The following MAPK10 variants were observed in gnomAD, a reference collection of about 807,000 sequenced individuals.
MAPK10 encodes mitogen-activated protein kinase 10.
A neutral mutation model predicts 59.3 loss-of-function variants in MAPK10; 25 were observed. The ratio of observed to expected loss-of-function variants is 0.42; its 90% CI spans 0.31 to 0.59. MAPK10 has a LOEUF of 0.59. MAPK10 is among the 20% of genes least tolerant of loss of function. MAPK10 has a pLI of 0.15. For synonymous variants in MAPK10, 190 were observed against 200.5 expected (o/e 0.95, Z 0.44); for missense variants, 351 against 568.9 (o/e 0.62, Z 3.90).
At chr4:86,152,737 A>G (rs2066785764) in intron 4 of MAPK10, 1 of 152,114 alleles carries the variant, frequency 6.6e-6, no homozygotes, top group Non-Finnish European at 1.5e-5. Flanking sequence ...AAGCCTTGGT[A>G]TTTTTCGTTA....
chr4:86,092,735 A>C (rs1451155026), intron 9 of MAPK10, among the ~76,000 whole-genome samples: 2 of 152,116 alleles, frequency 1.3e-5, no homozygotes, highest in Admixed American at 6.6e-5. Context: ...AGCAAATTCA[A>C]TCACTGTTGG....
chr4:86,214,713 G>A (rs116638270), intron 2 of MAPK10, among the ~76,000 whole-genome samples: 1,881 of 151,790 alleles, frequency 0.012, 20 homozygotes, highest in Non-Finnish European at 0.017. Context: ...AACCAAGAAG[G>A]AAAAACACTT....
intron 9 of MAPK10, among the ~76,000 whole-genome samples, chr4:86,097,823 G>A (rs2054532687): frequency 6.6e-6 from 1 of 152,094 alleles, no homozygotes; most frequent in African/African-American, 2.4e-5. Context: ...ATTTCTGATG[G>A]ACTCTATTGC....
chr4:86,101,840 G>A, intron 7 of MAPK10, 54 bp downstream of exon 7: 1 of 1,584,168 alleles, frequency 6.3e-7, no homozygotes, highest in Non-Finnish European at 8.7e-7. Flanking sequence ...ATAATCTACA[G>A]TTACTCTTCC....
intron 11 of MAPK10, chr4:86,041,094 G>A (rs983211231): frequency 6.6e-6 from 1 of 152,024 alleles, no homozygotes; most frequent in African/African-American, 2.4e-5. Context: ...CTGTAATGGT[G>A]GTATGTAATT....
At chr4:86,080,423 A>C (rs1179416177) in intron 9 of MAPK10, 1 of 152,002 alleles carries the variant, frequency 6.6e-6, no homozygotes, top group African/African-American at 2.4e-5. Context: ...CAAGTAGAAT[A>C]ATATCTTTAA....
intron 2 of MAPK10, among the ~76,000 whole-genome samples, chr4:86,273,752 T>C (rs2094497209): frequency 6.6e-6 from 1 of 152,026 alleles, no homozygotes; most frequent in Admixed American, 6.6e-5. Context: ...GGTAAAGCAT[T>C]GGTGCTTTTC....
intron 4 of MAPK10, among the ~76,000 whole-genome samples, chr4:86,157,500 A>G (rs2068175668): frequency 6.6e-6 from 1 of 151,986 alleles, no homozygotes; most frequent in Non-Finnish European, 1.5e-5. Flanking sequence ...AGTTTGCACC[A>G]GTCACTATAC....
At chr4:86,508,612 GATTTTGGTTTC>G (rs1263175945) in intron 1 of MAPK10, among the ~76,000 whole-genome samples, 1 of 152,254 alleles carries the variant, frequency 6.6e-6, no homozygotes, top group East Asian at 1.9e-4. Context: ...TGAGCACTCT[GATTTTGGTTTC>G]ATTTTGGTTA....
intron 3 of MAPK10, chr4:86,160,244 T>C (rs2069134250): frequency 6.6e-6 from 1 of 151,982 alleles, no homozygotes; most frequent in South Asian, 2.1e-4. Context: ...TAAATATCCA[T>C]TACCTGTGAT....
chr4:86,398,996 C>G (rs888632595), intron 1 of MAPK10, among the ~76,000 whole-genome samples: 1 of 152,086 alleles, frequency 6.6e-6, no homozygotes, highest in African/African-American at 2.4e-5. Flanking sequence ...TTTTCATTAT[C>G]CAGTCCACCG....
chr4:86,023,481 A>C (rs760481695), intron 13 of MAPK10, among the ~76,000 whole-genome samples: 4 of 152,100 alleles, frequency 2.6e-5, no homozygotes, highest in Non-Finnish European at 5.9e-5. Context: ...GACAGCTATG[A>C]TTTTGATAAG....
At chr4:86,335,785 G>A (rs1720931686) in intron 2 of MAPK10, among the ~76,000 whole-genome samples, 1 of 152,286 alleles carries the variant, frequency 6.6e-6, no homozygotes, top group South Asian at 2.1e-4. Flanking sequence ...AGAGAGAAGT[G>A]TAAGCAGGGG....
chr4:86,200,473 C>A (rs1256905297), intron 2 of MAPK10, among the ~76,000 whole-genome samples: 1 of 151,882 alleles, frequency 6.6e-6, no homozygotes, highest in Non-Finnish European at 1.5e-5. Context: ...AGTATTCATC[C>A]ACGTTACTGT....
intron 1 of MAPK10, among the ~76,000 whole-genome samples, chr4:86,592,837 C>A (rs997646324): frequency 3.3e-5 from 5 of 152,328 alleles, no homozygotes. Flanking sequence ...AGGAATCCAG[C>A]CCATTTTACA....
intron 1 of MAPK10, among the ~76,000 whole-genome samples, chr4:86,548,984 CA>C (rs1439829772): frequency 6.6e-6 from 1 of 151,878 alleles, no homozygotes; most frequent in East Asian, 1.9e-4. Flanking sequence ...CATTCTAGAG[CA>C]AAATGAAAAT....
chr4:86,290,823 T>C (rs977848898), intron 2 of MAPK10, among the ~76,000 whole-genome samples: 1 of 152,128 alleles, frequency 6.6e-6, no homozygotes, highest in African/African-American at 2.4e-5. Flanking sequence ...CCTCTGGCCA[T>C]AGACTTATCT....
At chr4:86,477,118 A>G (rs941698155) in intron 1 of MAPK10, among the ~76,000 whole-genome samples, 1 of 152,084 alleles carries the variant, frequency 6.6e-6, no homozygotes, top group Non-Finnish European at 1.5e-5. Flanking sequence ...TGCTCTAGAT[A>G]ACTCTCACAG....
At chr4:86,033,549 CAGG>C (rs1289375473) in intron 11 of MAPK10, among the ~76,000 whole-genome samples, 1 of 152,188 alleles carries the variant, frequency 6.6e-6, no homozygotes, top group Non-Finnish European at 1.5e-5. Context: ...AAGCTATTTT[CAGG>C]AGGTTTCCCT....
Sources: gnomAD v4.1 joint callset for allele counts (sites outside exome capture counted in the v4.1 genomes callset) on GRCh38, gnomAD v4.1.1 for gene constraint, MANE v1.5 for transcripts, NCBI Gene and HGNC (gene_info 2026-07-23, HGNC 2026-07-21) for gene names.